NIBAN1: variants seen among roughly 807,000 people sequenced by gnomAD.
The protein encoded by NIBAN1 is niban apoptosis regulator 1.
A neutral mutation model predicts 75.1 loss-of-function variants in NIBAN1; 81 were observed. The ratio of observed to expected loss-of-function variants is 1.08; its 90% CI spans 0.90 to 1.30. NIBAN1 has a LOEUF of 1.30. Among genes scored for constraint, NIBAN1 ranks in the 50% most tolerant of loss-of-function variants. The pLI, the probability that NIBAN1 is intolerant of heterozygous loss-of-function variation, is 0.00. For missense variants in NIBAN1, 1,133 were observed against 1,128.1 expected, an observed-to-expected ratio of 1.00 and a Z score of -0.06; for synonymous variants, 436 against 424.8, an observed-to-expected ratio of 1.03 and a Z score of -0.32.
intron 2 of NIBAN1, among the ~76,000 whole-genome samples, chr1:184,896,319 C>G (rs1198397587): frequency 6.6e-6 from 1 of 152,064 alleles, no homozygotes; most frequent in Non-Finnish European, 1.5e-5. Flanking sequence ...TGATATTGAG[C>G]ATATTTTCAT....
intron 1 of NIBAN1, among the ~76,000 whole-genome samples, chr1:184,935,318 C>T (rs1657927131): frequency 6.6e-6 from 1 of 151,844 alleles, no homozygotes; most frequent in Non-Finnish European, 1.5e-5. Flanking sequence ...CCAGCCTGGG[C>T]AATGCAGTGA....
intron 9 of NIBAN1, among the ~76,000 whole-genome samples, chr1:184,810,228 A>T (rs1571480315): frequency 1.3e-5 from 2 of 152,246 alleles, no homozygotes; most frequent in Non-Finnish European, 2.9e-5. Flanking sequence ...TGATATGTCA[A>T]GTATAAAACC....
chr1:184,960,007 C>T (rs566046960), intron 1 of NIBAN1, among the ~76,000 whole-genome samples: 55 of 152,192 alleles, frequency 3.6e-4, no homozygotes, highest in South Asian at 2.9e-3. Context: ...TTTGGATTGA[C>T]CCTTTAATTT....
At chr1:184,879,614 A>G (rs529201827) in intron 5 of NIBAN1, among the ~76,000 whole-genome samples, 1 of 152,278 alleles carries the variant, frequency 6.6e-6, no homozygotes, top group African/African-American at 2.4e-5. Flanking sequence ...ACACACCAAA[A>G]AGGATTTGCT....
At chr1:184,938,887 A>G (rs1049148431) in intron 1 of NIBAN1, among the ~76,000 whole-genome samples, 2 of 152,240 alleles carry the variant, frequency 1.3e-5, no homozygotes, top group African/African-American at 4.8e-5. Flanking sequence ...CATGGCCGAT[A>G]TCCCATGGCC....
chr1:184,883,066 G>A (rs1426524025), intron 5 of NIBAN1, among the ~76,000 whole-genome samples: 9 of 152,172 alleles, frequency 5.9e-5, no homozygotes, highest in Non-Finnish European at 1.2e-4. Flanking sequence ...CCAAGAGTTA[G>A]TTGAGATGCA....
chr1:184,966,028 G>A (rs1055838038), intron 1 of NIBAN1, among the ~76,000 whole-genome samples: 1 of 152,142 alleles, frequency 6.6e-6, no homozygotes, highest in African/African-American at 2.4e-5. Flanking sequence ...TTTTAAGTGA[G>A]TAAGACTATA....
chr1:184,876,692 A>G (rs1485844606), intron 5 of NIBAN1, among the ~76,000 whole-genome samples: 3 of 152,228 alleles, frequency 2.0e-5, no homozygotes, highest in Non-Finnish European at 4.4e-5. Flanking sequence ...CATCTCAAAA[A>G]AAAAAAAGAA....
intron 1 of NIBAN1, among the ~76,000 whole-genome samples, chr1:184,922,901 G>A (rs58383458): frequency 1.3e-5 from 2 of 152,046 alleles, no homozygotes; most frequent in Admixed American, 6.6e-5. Flanking sequence ...GTTAAATCAC[G>A]CCTGATTTAA....
At chr1:184,837,816 T>A (rs1251206103) in intron 5 of NIBAN1, among the ~76,000 whole-genome samples, 1 of 152,234 alleles carries the variant, frequency 6.6e-6, no homozygotes, top group African/African-American at 2.4e-5. Context: ...AGTTTACTCT[T>A]CTTCCATATG....
intron 5 of NIBAN1, among the ~76,000 whole-genome samples, chr1:184,839,538 T>G (rs1441542797): frequency 1.5e-5 from 2 of 137,202 alleles, no homozygotes; most frequent in Non-Finnish European, 1.6e-5. Flanking sequence ...CAGTTTTACA[T>G]GCATTCCTGT....
intron 1 of NIBAN1, among the ~76,000 whole-genome samples, chr1:184,953,687 TAAAC>T (rs1038181502): frequency 1.3e-5 from 2 of 152,226 alleles, no homozygotes; most frequent in African/African-American, 4.8e-5. Context: ...TGATCTGAAA[TAAAC>T]AAAGTAGTTA....
intron 1 of NIBAN1, among the ~76,000 whole-genome samples, chr1:184,911,770 T>C (rs930793318): frequency 1.3e-5 from 2 of 152,238 alleles, no homozygotes; most frequent in Non-Finnish European, 2.9e-5. Context: ...ATGAGATACA[T>C]TGAGTTATAG....
intron 5 of NIBAN1, among the ~76,000 whole-genome samples, chr1:184,876,259 A>G (rs1474527924): frequency 6.6e-6 from 1 of 152,170 alleles, no homozygotes; most frequent in African/African-American, 2.4e-5. Flanking sequence ...GAAAGAGGAA[A>G]CAGCTACAGG....
rs145154919 is a variant in NIBAN1 at position 184,862,016 on chromosome 1, A to G, written c.601+22617T>C. On this transcript the variant is annotated intron_variant, in intron 5 of 13. Transcript: ENST00000367511. ...TTTCTATCCTTTTCTCCACAGGTTC[A>G]AGGGCACTCACTATTATTCCACAGT... 7.1e-3 allele frequency among the ~76,000 whole-genome samples: 1,078 copies of G among 152,316 alleles called. 16 individuals carry two copies. The highest frequency in any genetic ancestry group is 0.025 in the African/African-American group (1,031 of 41,562).
chr1:184,963,353 C>G (rs1658700267), intron 1 of NIBAN1, among the ~76,000 whole-genome samples: 1 of 152,040 alleles, frequency 6.6e-6, no homozygotes, highest in African/African-American at 2.4e-5. Flanking sequence ...AAATGGGGAA[C>G]ATCCCTTTTC....
chr1:184,884,667 G>A lies in NIBAN1; in HGVS notation c.567C>T (p.Ala189=). The A allele has an allele frequency of 3.7e-6, 6 of 1,614,156 alleles. No individual in the cohort carries two copies. The highest frequency in any genetic ancestry group is 1.3e-5 in the African/African-American group (1 of 75,048). The stretch of plus-strand genomic sequence containing the variant: ...GATGCCTGACGCAGTCACTCAGGAG[G>A]GCACTAAACCTCTTCTGGTCAGCAG... ...HEAADQKRFS[A]LLSDCVRHLN... The change falls in exon 5 of 14, where the codon GCC becomes GCT. Residue 189 remains alanine (A), a synonymous_variant. Coordinates refer to ENST00000367511, the MANE Select transcript of NIBAN1 (RefSeq NM_052966.4).
At position 184,798,087 on chromosome 1, in the gene NIBAN1, G is replaced by GTT. The variant is rs772838131; in HGVS notation, c.1656_1657dup (p.Thr553LysfsTer3). On this transcript the variant is annotated frameshift_variant, in exon 13 of 14. Transcript: ENST00000367511. LOFTEE classifies it low-confidence loss of function (END_TRUNC). ...CAGGTAACCTTTCTTACCTTTCAGA[G>GTT]TTTCATCAAGCAGGATCTGATGTAA... 1.9e-6 allele frequency: 3 copies of GTT among 1,607,086 alleles called. No individual in the cohort carries two copies. The highest frequency in any genetic ancestry group is 8.5e-7 in the Non-Finnish European group (1 of 1,174,740).
chr1:184,810,094 C>T (rs887112461), intron 9 of NIBAN1, among the ~76,000 whole-genome samples: 1 of 151,896 alleles, frequency 6.6e-6, no homozygotes, highest in Non-Finnish European at 1.5e-5. Flanking sequence ...AATAAGAAAC[C>T]CCAAAACATT....
Sources: gnomAD v4.1 joint callset for allele counts (sites outside exome capture counted in the v4.1 genomes callset) on GRCh38, gnomAD v4.1.1 for gene constraint, MANE v1.5 for transcripts, NCBI Gene and HGNC (gene_info 2026-07-23, HGNC 2026-07-21) for gene names.